The following PARVA variants were observed in gnomAD, a reference collection of about 807,000 sequenced individuals.
The protein encoded by PARVA is parvin alpha.
PARVA carries 25 observed loss-of-function variants against 52.6 expected under a neutral mutation model. The observed-to-expected ratio is 0.48, with a 90% CI of 0.35 to 0.66. The LOEUF (loss-of-function observed/expected upper bound fraction) is 0.66, where lower values mean the gene tolerates loss of function less well. Among genes scored for constraint, PARVA ranks in the 30% least tolerant of loss-of-function variants. PARVA has a pLI of 0.01. For synonymous variants in PARVA, 185 were observed against 179.1 expected (o/e 1.03, Z -0.26); for missense variants, 373 against 450.9 (o/e 0.83, Z 1.56).
At position 12,533,817 on chromosome 11, in the gene PARVA, A is replaced by G. The variant is rs1216024883; in HGVS notation, c.*5892A>G. ...CATCACATTGAGTAGGCGGAGGAGG[A>G]GGAGGAGGAGGAGGAGTAGGGGTTG... is the stretch of plus-strand genomic sequence containing the variant. On this transcript the variant is annotated 3_prime_UTR_variant, in exon 13 of 13. Coordinates refer to ENST00000334956, the MANE Select transcript of PARVA (RefSeq NM_018222.5). Among the ~76,000 whole-genome samples, 2 of 151,826 alleles carry G rather than the reference A, an allele frequency of 1.3e-5. No individual in the cohort carries two copies. Among genetic ancestry groups the G allele is most frequent in the Non-Finnish European group, 2.9e-5 (2 of 67,964 alleles).
At chr11:12,517,524 G>A in intron 10 of PARVA, 86 bp from the exon 11 acceptor site, 1 of 979,030 alleles carries the variant, frequency 1.0e-6, no homozygotes, top group Non-Finnish European at 1.6e-6. Flanking sequence ...GCTTCAGGTG[G>A]CATAGCACAG....
intron 7 of PARVA, among the ~76,000 whole-genome samples, chr11:12,510,611 A>G (rs981543919): frequency 2.0e-5 from 3 of 152,196 alleles, no homozygotes; most frequent in Non-Finnish European, 4.4e-5. Context: ...ACAGTTCCAC[A>G]TGGCCGGGGA....
At chr11:12,461,279 T>G (rs889680339) in intron 1 of PARVA, among the ~76,000 whole-genome samples, 1 of 152,194 alleles carries the variant, frequency 6.6e-6, no homozygotes, top group African/African-American at 2.4e-5. Context: ...GGTGGCTTAT[T>G]GTATCTACAT....
intron 1 of PARVA, among the ~76,000 whole-genome samples, chr11:12,390,005 G>A (rs1199160528): frequency 6.6e-6 from 1 of 152,088 alleles, no homozygotes; most frequent in Non-Finnish European, 1.5e-5. Flanking sequence ...AAGCAGCCTG[G>A]CTCTGGGGAG....
intron 1 of PARVA, among the ~76,000 whole-genome samples, chr11:12,417,828 C>G (rs530396197): frequency 1.3e-5 from 2 of 152,294 alleles, no homozygotes; most frequent in South Asian, 4.1e-4. Context: ...TGCTTATGGC[C>G]TGACCTGAGT....
chr11:12,414,601 G>A (rs987423542), intron 1 of PARVA, among the ~76,000 whole-genome samples: 2 of 151,370 alleles, frequency 1.3e-5, no homozygotes, highest in African/African-American at 4.9e-5. Flanking sequence ...GGTAGCCGGA[G>A]AAATGCATTC....
chr11:12,492,992 TG>T (rs1941251134), intron 4 of PARVA, among the ~76,000 whole-genome samples: 1 of 152,208 alleles, frequency 6.6e-6, no homozygotes, highest in South Asian at 2.1e-4. Context: ...AAAAGACTTA[TG>T]ATATATATAT....
intron 1 of PARVA, among the ~76,000 whole-genome samples, chr11:12,464,206 A>G (rs891302320): frequency 6.6e-6 from 1 of 151,982 alleles, no homozygotes; most frequent in Non-Finnish European, 1.5e-5. Context: ...ATGTGTGTGC[A>G]CTAATTTATA....
intron 1 of PARVA, among the ~76,000 whole-genome samples, chr11:12,421,373 AG>A (rs757845609): frequency 1.2e-4 from 19 of 152,200 alleles, no homozygotes; most frequent in Non-Finnish European, 2.4e-4. Context: ...TTTCCTAGAG[AG>A]AGTGTGCAGG....
At chr11:12,461,086 C>T (rs902037340) in intron 1 of PARVA, among the ~76,000 whole-genome samples, 8 of 152,200 alleles carry the variant, frequency 5.3e-5, no homozygotes, top group Non-Finnish European at 1.0e-4. Flanking sequence ...GTACCTGGCA[C>T]TGTGCTGGGC....
chr11:12,459,432 A>C (rs1035199646), intron 1 of PARVA, among the ~76,000 whole-genome samples: 1 of 151,990 alleles, frequency 6.6e-6, no homozygotes, highest in Non-Finnish European at 1.5e-5. Context: ...AGAAGAAAGA[A>C]AAAAGAAGAA....
At chr11:12,481,346 C>CT (rs957452169) in intron 4 of PARVA, among the ~76,000 whole-genome samples, 2 of 151,868 alleles carry the variant, frequency 1.3e-5, no homozygotes, top group African/African-American at 2.4e-5. Flanking sequence ...TTATCGTTCA[C>CT]TTTTTTGCTC....
At chr11:12,481,998 C>T (rs907262174) in intron 4 of PARVA, among the ~76,000 whole-genome samples, 8 of 151,248 alleles carry the variant, frequency 5.3e-5, no homozygotes, top group Non-Finnish European at 1.2e-4. Flanking sequence ...GGTGAAACTC[C>T]ATCTCTTCTA....
chr11:12,500,393 G>A (rs921229046), intron 5 of PARVA, among the ~76,000 whole-genome samples: 5 of 152,168 alleles, frequency 3.3e-5, no homozygotes, highest in Non-Finnish European at 5.9e-5. Flanking sequence ...CCCAGGAGAC[G>A]TGTTGAGAGG....
chr11:12,420,441 T>G (rs2134983657), intron 1 of PARVA, among the ~76,000 whole-genome samples: 1 of 152,296 alleles, frequency 6.6e-6, no homozygotes, highest in South Asian at 2.1e-4. Flanking sequence ...GTATTCAAAT[T>G]CTTAAATATA....
Position 12,531,146 on chromosome 11 carries a change from A to G in PARVA, c.*3221A>G, listed in dbSNP as rs1177814021. 6.6e-6 allele frequency among the ~76,000 whole-genome samples: 1 copy of G among 152,234 alleles called. No individual in the cohort carries two copies. The highest frequency in any genetic ancestry group is 2.4e-5 in the African/African-American group (1 of 41,466). On this transcript the variant is annotated 3_prime_UTR_variant, in exon 13 of 13. Transcript: ENST00000334956. ...TACTGTACTATAAAGTCTAGCTGCC[A>G]GCAATGCAGTGCTCGCCTGCTATAT...
intron 1 of PARVA, among the ~76,000 whole-genome samples, chr11:12,386,355 T>C (rs1939571994): frequency 6.6e-6 from 1 of 152,218 alleles, no homozygotes; most frequent in South Asian, 2.1e-4. Context: ...TGCTGTTCCA[T>C]ATTCTGGAAA....
At chr11:12,409,927 TATTA>T (rs929741186) in intron 1 of PARVA, among the ~76,000 whole-genome samples, 2 of 152,258 alleles carry the variant, frequency 1.3e-5, no homozygotes, top group African/African-American at 4.8e-5. Flanking sequence ...GTTCACTGCC[TATTA>T]ATTGGTACCT....
At chr11:12,475,547 T>G (rs1589972209) in intron 3 of PARVA, among the ~76,000 whole-genome samples, 1 of 151,438 alleles carries the variant, frequency 6.6e-6, no homozygotes. Context: ...AAAGGAAGGG[T>G]GGGTGGATGA....
Sources: gnomAD v4.1 joint callset for allele counts (sites outside exome capture counted in the v4.1 genomes callset) on GRCh38, gnomAD v4.1.1 for gene constraint, MANE v1.5 for transcripts, NCBI Gene and HGNC (gene_info 2026-07-23, HGNC 2026-07-21) for gene names.